NRF1: variants seen among roughly 807,000 people sequenced by gnomAD.
NRF1 encodes alpha palindromic-binding protein.
In NRF1, 5 loss-of-function variants were observed where a neutral mutation model predicts 58.5. The ratio of observed to expected loss-of-function variants is 0.09; its 90% CI spans 0.04 to 0.18. NRF1 has a LOEUF of 0.18. Among genes scored for constraint, NRF1 ranks in the 10% least tolerant of loss-of-function variants. NRF1 has a pLI of 1.00. For synonymous variants in NRF1, 224 were observed against 246.7 expected (o/e 0.91, Z 0.86); for missense variants, 288 against 657.7 (o/e 0.44, Z 6.15).
intron 9 of NRF1, 106 bp from the exon 10 acceptor site, chr7:129,727,135 A>C: frequency 8.2e-7 from 1 of 1,214,002 alleles, no homozygotes; most frequent in South Asian, 1.8e-5. Flanking sequence ...GATCACAACC[A>C]TGGAGTCAGT....
At chr7:129,619,392 ACG>A (rs1800721174) in intron 1 of NRF1, among the ~76,000 whole-genome samples, 1 of 69,558 alleles carries the variant, frequency 1.4e-5, no homozygotes, top group African/African-American at 5.9e-5. Flanking sequence ...GACTTGGCAT[ACG>A]TGTATATATA....
intron 9 of NRF1, among the ~76,000 whole-genome samples, chr7:129,721,858 G>A (rs62489304): frequency 0.3 from 45,475 of 151,912 alleles, 6,885 homozygotes; most frequent in Admixed American, 0.38. Context: ...TTTTATATAC[G>A]GAGTGATATT....
intron 4 of NRF1, among the ~76,000 whole-genome samples, chr7:129,686,565 T>A (rs889644885): frequency 2.0e-5 from 3 of 152,252 alleles, no homozygotes; most frequent in Non-Finnish European, 2.9e-5. Flanking sequence ...GTTTTCTTAT[T>A]TGCAAAATGA....
At chr7:129,702,711 A>G (rs1429992015) in intron 5 of NRF1, among the ~76,000 whole-genome samples, 1 of 152,194 alleles carries the variant, frequency 6.6e-6, no homozygotes, top group Non-Finnish European at 1.5e-5. Context: ...TCCCTGCTAC[A>G]TTCCTGTTTT....
At chr7:129,738,087 T>C (rs1423025961) in intron 10 of NRF1, among the ~76,000 whole-genome samples, 2 of 152,184 alleles carry the variant, frequency 1.3e-5, no homozygotes, top group Admixed American at 6.5e-5. Flanking sequence ...TGAGAGAAAA[T>C]GAAGACACTA....
At chr7:129,751,783 T>C (rs145524409) in intron 10 of NRF1, among the ~76,000 whole-genome samples, 1 of 152,352 alleles carries the variant, frequency 6.6e-6, no homozygotes, top group East Asian at 1.9e-4. Context: ...AGTATGTGGG[T>C]TCCCTGGAGG....
At chr7:129,654,108 T>C (rs1056000349) in intron 1 of NRF1, among the ~76,000 whole-genome samples, 1 of 152,244 alleles carries the variant, frequency 6.6e-6, no homozygotes, top group African/African-American at 2.4e-5. Context: ...ATAGAGTTCC[T>C]GTTGCTCCAC....
intron 9 of NRF1, among the ~76,000 whole-genome samples, chr7:129,720,069 G>C (rs968606034): frequency 5.9e-5 from 9 of 152,152 alleles, no homozygotes; most frequent in African/African-American, 1.9e-4. Context: ...ATGCAGCTGA[G>C]GTGGCTCAGT....
At chr7:129,709,293 A>C in intron 6 of NRF1, 60 bp downstream of exon 6, 1 of 1,362,914 alleles carries the variant, frequency 7.3e-7, no homozygotes, top group Admixed American at 2.7e-5. Context: ...AACCACCTCA[A>C]TTTTTGTCAT....
chr7:129,754,333 C>T (rs1343848830), intron 10 of NRF1, among the ~76,000 whole-genome samples: 1 of 151,190 alleles, frequency 6.6e-6, no homozygotes, highest in Non-Finnish European at 1.5e-5. Flanking sequence ...CATGGTGGCA[C>T]ACGCCTGTGG....
At chr7:129,692,863 T>C (rs1802603496) in intron 5 of NRF1, among the ~76,000 whole-genome samples, 3 of 152,214 alleles carry the variant, frequency 2.0e-5, no homozygotes, top group Admixed American at 6.5e-5. Flanking sequence ...GGACTTTATC[T>C]TATTCAAAGT....
chr7:129,671,817 A>G (rs1223860638), intron 3 of NRF1, among the ~76,000 whole-genome samples: 1 of 152,226 alleles, frequency 6.6e-6, no homozygotes, highest in Non-Finnish European at 1.5e-5. Flanking sequence ...GAGTGAACAA[A>G]ACAAATTGCC....
At chr7:129,638,883 A>G (rs1175941520) in intron 1 of NRF1, among the ~76,000 whole-genome samples, 1 of 152,018 alleles carries the variant, frequency 6.6e-6, no homozygotes, top group African/African-American at 2.4e-5. Context: ...TTACTTTCTA[A>G]ATTTTGCTTT....
At position 129,642,756 on chromosome 7, in the gene NRF1, A is replaced by ACTTTTTTTTTTTTTTTTTTT. The variant is rs1562957544; in HGVS notation, c.-6-14590_-6-14589insCTTTTTTTTTTTTTTTTTTT. 2.1e-4 allele frequency among the ~76,000 whole-genome samples: 28 copies of ACTTTTTTTTTTTTTTTTTTT among 131,694 alleles called. 1 individual carries two copies. The highest frequency in any genetic ancestry group is 8.3e-4 in the South Asian group (3 of 3,632). The allele number at this position is 131,694 out of a possible 152,430, so 86.4% of individuals were successfully genotyped here. ...TTCTAAAAGAATACATTCTTTAAAAAATTTTTTTTTTTTTTTTTTTAAATG... is the reference window on the plus strand; with the variant it reads ...TTCTAAAAGAATACATTCTTTAAAAACTTTTTTTTTTTTTTTTTTTATTTTTTTTTTTTTTTTTTTAAATG... On this transcript the variant is annotated intron_variant, in intron 1 of 10. Transcript: ENST00000393232.
intron 9 of NRF1, among the ~76,000 whole-genome samples, chr7:129,723,614 AAAG>A (rs1803385491): frequency 6.6e-6 from 1 of 152,102 alleles, no homozygotes; most frequent in Non-Finnish European, 1.5e-5. Flanking sequence ...TGAAAAATGT[AAAG>A]AACAGTCTTA....
At chr7:129,657,267 A>C (rs1044061244) in intron 1 of NRF1, 79 bp from the exon 2 acceptor site, 2 of 1,078,584 alleles carry the variant, frequency 1.9e-6, no homozygotes, top group Non-Finnish European at 2.8e-6. Flanking sequence ...TCTGCTCTTG[A>C]ATAAAATATC....
At chr7:129,719,545 A>ACACACACACACACAC (rs1562982215) in intron 9 of NRF1, among the ~76,000 whole-genome samples, 1 of 93,094 alleles carries the variant, frequency 1.1e-5, no homozygotes, top group Non-Finnish European at 2.8e-5. Flanking sequence ...CACACACACA[A>ACACACACACACACAC]CACATCTTCT....
At chr7:129,702,589 C>G (rs564294132) in intron 5 of NRF1, among the ~76,000 whole-genome samples, 3 of 152,186 alleles carry the variant, frequency 2.0e-5, no homozygotes, top group African/African-American at 7.2e-5. Flanking sequence ...TGCTTTAGCT[C>G]TTTAATGCCC....
intron 2 of NRF1, 151 bp from the exon 3 acceptor site, chr7:129,671,278 A>G: frequency 1.9e-6 from 1 of 529,700 alleles, no homozygotes; most frequent in East Asian, 3.0e-5. Context: ...GTTAAACAAT[A>G]GTGAAGTATA....
Sources: allele counts gnomAD v4.1 joint callset (sites outside exome capture counted in the v4.1 genomes callset), GRCh38; gene constraint gnomAD v4.1.1; transcripts MANE v1.5; gene names NCBI Gene and HGNC (gene_info 2026-07-23, HGNC 2026-07-21).